The following MED1 variants were observed in gnomAD, a reference collection of about 807,000 sequenced individuals.
The protein encoded by MED1 is mediator complex subunit 1.
MED1 carries 17 observed loss-of-function variants against 121.3 expected under a neutral mutation model. The observed-to-expected ratio is 0.14, with a 90% CI of 0.10 to 0.21. The LOEUF is 0.21. MED1 is among the 10% of genes least tolerant of loss of function. The pLI, the probability that MED1 is intolerant of heterozygous loss-of-function variation, is 1.00. For missense variants in MED1, 1,558 were observed against 1,919.4 expected (o/e 0.81, Z 3.52); for synonymous variants, 661 against 694.4 (o/e 0.95, Z 0.76).
chr17:39,427,661 C>T, intron 10 of MED1, 40 bp downstream of exon 10: 2 of 1,455,454 alleles, frequency 1.4e-6, no homozygotes, highest in Non-Finnish European at 1.9e-6. Context: ...AAGCTGGGCA[C>T]CGAACAAAAC....
intron 2 of MED1, among the ~76,000 whole-genome samples, chr17:39,444,642 G>A (rs920372835): frequency 2.0e-5 from 3 of 152,050 alleles, no homozygotes; most frequent in Non-Finnish European, 4.4e-5. Flanking sequence ...AGGCCAAGGC[G>A]AGCAGATCAT....
chr17:39,449,514 CTTTTTT>C (rs111864908), intron 1 of MED1, among the ~76,000 whole-genome samples: 1 of 122,872 alleles, frequency 8.1e-6, no homozygotes, highest in African/African-American at 2.8e-5. Flanking sequence ...AATTTTTTTT[CTTTTTT>C]TTTTTTTTTG....
rs1286434821 is a variant in MED1, at chr17:39,407,763, G to C, written c.4458C>G (p.Ile1486Met). The C allele has an allele frequency of 2.5e-6, 4 of 1,614,094 alleles. No homozygotes were observed. The Admixed American group carries it at 5.0e-5, about 20-fold the overall frequency. Residue 1486 changes from isoleucine (I) to methionine (M), a missense_variant, in exon 17 of 17, where the codon ATC (isoleucine) becomes ATG (methionine). By Grantham distance (10) the Ile-to-Met change is conservative. Around this residue, in one of 5 missense-constraint regions of MED1, gnomAD observed 264 missense variants for 326.1 expected, o/e 0.81. Transcript: ENST00000300651. ...CTGTGCTGTATTCTGGAAGTGGTCGGATACCATCGTCTGAGCTGGGACTAT... is the reference window on the plus strand; with the variant it reads ...CTGTGCTGTATTCTGGAAGTGGTCGCATACCATCGTCTGAGCTGGGACTAT... ...YQNSPSSDDG[I>M]RPLPEYSTEK...
intron 6 of MED1, among the ~76,000 whole-genome samples, chr17:39,438,750 G>A (rs2048644030): frequency 6.6e-6 from 1 of 152,118 alleles, no homozygotes; most frequent in Non-Finnish European, 1.5e-5. Flanking sequence ...TGGGATTACA[G>A]GCGTGAGCCA....
chr17:39,440,237 A>G lies in MED1; in HGVS notation c.399+149T>C. ...CCATATTTTCTAAATCCCATTCTAT[A>G]GCTGTTGATTTTGTAGCCCATCACA... On this transcript the variant is annotated intron_variant, in intron 5 of 16. Transcript: ENST00000300651. The surrounding 1 kb of genome is among the most constrained non-coding windows in gnomAD (Gnocchi z 4.1). 1 of 736,300 alleles carries G rather than the reference A, an allele frequency of 1.4e-6. No homozygotes were observed. Among genetic ancestry groups the G allele is most frequent in the African/African-American group, 1.8e-5 (1 of 54,378 alleles). The allele number at this position is 736,300 out of a possible 1,614,324, so 45.6% of individuals were successfully genotyped here. A position where few individuals can be genotyped will look rare whatever the true frequency, so the allele number is the denominator to read the frequency against.
At chr17:39,438,173 A>ATT (rs71147331) in intron 6 of MED1, among the ~76,000 whole-genome samples, 22 of 140,468 alleles carry the variant, frequency 1.6e-4, no homozygotes, top group African/African-American at 4.9e-4. Context: ...CCTCGTCTCT[A>ATT]TTTTTTTTTT....
Position 39,440,755 on chromosome 17 carries a change from C to CGCTCCCTCTCCCTCTCCCT in MED1, c.212-79_212-78insAGGGAGAGGGAGAGGGAGC. ...GATATTCTTTTAAGACAGAAAGATT[C>CGCTCCCTCTCCCTCTCCCT]ATCCTTCCAAAACCGTAAACATATT... On this transcript the variant is annotated intron_variant, in intron 3 of 16. Transcript: ENST00000300651. This position sits in a 1 kb window ranked among gnomAD's most constrained non-coding sequence, Gnocchi z 4.1. 1 of 1,355,372 alleles carries CGCTCCCTCTCCCTCTCCCT rather than the reference C, an allele frequency of 7.4e-7. No homozygotes were observed. The highest frequency in any genetic ancestry group is 1.0e-6 in the Non-Finnish European group (1 of 965,032). The allele number at this position is 1,355,372 out of a possible 1,614,324, so 84.0% of individuals were successfully genotyped here.
chr17:39,426,082 G>T (rs931078003), intron 10 of MED1, among the ~76,000 whole-genome samples: 5 of 152,016 alleles, frequency 3.3e-5, no homozygotes, highest in Non-Finnish European at 5.9e-5. Context: ...GTAGTGAGCT[G>T]TGATCAAATC....
chr17:39,441,133 AAAAG>A (rs1476862477), intron 3 of MED1, among the ~76,000 whole-genome samples: 5 of 152,216 alleles, frequency 3.3e-5, no homozygotes, highest in African/African-American at 9.6e-5. Context: ...TCAACCTTAA[AAAAG>A]AAAGAAATTC....
chr17:39,420,791 ATTTTTTTTTTT>A (rs71147330), intron 13 of MED1, among the ~76,000 whole-genome samples: 5 of 109,940 alleles, frequency 4.5e-5, no homozygotes, highest in Non-Finnish European at 8.7e-5. Context: ...ACATGTGCCT[ATTTTTTTTTTT>A]TTTTTTTTTT....
In MED1 at chr17:39,409,619, C is replaced by G; in HGVS notation, c.2602G>C (p.Asp868His). 6.2e-7 allele frequency: 1 copy of G among 1,614,122 alleles called. No individual in the cohort carries two copies. The highest frequency in any genetic ancestry group is 8.5e-7 in the Non-Finnish European group (1 of 1,180,038). Residue 868 changes from aspartate to histidine, a missense_variant, in exon 17 of 17, where the codon GAT (aspartate) becomes CAT (histidine). Physicochemically the swap from Asp to His is moderately conservative, Grantham distance 81 (BLOSUM62 -1). Coordinates refer to ENST00000300651, the MANE Select transcript of MED1 (RefSeq NM_004774.4). ...FFHDGVDFNPDLLNSQSQSGF... is the reference protein window; with the variant it reads ...FFHDGVDFNPHLLNSQSQSGF... ...CTTTGGCTCTGGCTGTTCAATAAATCAGGATTGAAATCTACTCCATCATGA... is the reference window on the plus strand; with the variant it reads ...CTTTGGCTCTGGCTGTTCAATAAATGAGGATTGAAATCTACTCCATCATGA...
intron 9 of MED1, 69 bp downstream of exon 9, chr17:39,431,046 G>A (rs1324837736): frequency 9.6e-6 from 13 of 1,360,666 alleles, no homozygotes; most frequent in Non-Finnish European, 1.4e-5. Flanking sequence ...AACTAAAGGT[G>A]AAATGAAAAG....
At position 39,409,649 on chromosome 17, in the gene MED1, A is replaced by C; in HGVS notation, c.2572T>G (p.Phe858Val). ...TTGAAATCTACTCCATCATGAAAAA[A>C]ATGATTGGTAGGAGAGTCACTACTG... ...SPSSDSPTNH[F>V]FHDGVDFNPD... Residue 858 changes from phenylalanine to valine, a missense_variant, in exon 17 of 17, where the codon TTT becomes GTT. This residue lies in a region of MED1 where 793 missense variants were observed against 898.2 expected (regional missense o/e 0.88). Transcript: ENST00000300651. 1.2e-6 allele frequency: 2 copies of C among 1,614,170 alleles called. No homozygotes were observed. Among genetic ancestry groups the C allele is most frequent in the Non-Finnish European group, 1.7e-6 (2 of 1,180,034 alleles).
intron 6 of MED1, among the ~76,000 whole-genome samples, chr17:39,436,885 A>C (rs117986805): frequency 0.043 from 6,567 of 151,756 alleles, 164 homozygotes; most frequent in Non-Finnish European, 0.065. Flanking sequence ...CTTGTGCCTC[A>C]GCCTCCTGAG....
chr17:39,415,190 A>T, intron 15 of MED1, 54 bp downstream of exon 15: 1 of 1,605,456 alleles, frequency 6.2e-7, no homozygotes, highest in Non-Finnish European at 8.5e-7. Context: ...TTTCCAAAAA[A>T]GACATAGGGA....
At chr17:39,431,794 A>T in intron 8 of MED1, 148 bp downstream of exon 8, 1 of 575,462 alleles carries the variant, frequency 1.7e-6, no homozygotes, top group South Asian at 2.3e-5. Context: ...AGCGATACTG[A>T]TACTCAGAAG....
At chr17:39,434,114 G>T in intron 7 of MED1, 135 bp downstream of exon 7, 1 of 598,186 alleles carries the variant, frequency 1.7e-6, no homozygotes. Flanking sequence ...GTTGGAAGCT[G>T]AGCTACAGAT....
At chr17:39,434,926 G>A (rs1448893240) in intron 6 of MED1, among the ~76,000 whole-genome samples, 8 of 152,164 alleles carry the variant, frequency 5.3e-5, no homozygotes, top group Non-Finnish European at 1.2e-4. Flanking sequence ...AGCACTTTGG[G>A]AGGCCAAGGT....
chr17:39,434,438 T>C (rs369875046), intron 6 of MED1, 118 bp from the exon 7 acceptor site: 1 of 509,446 alleles, frequency 2.0e-6, no homozygotes, highest in Non-Finnish European at 3.5e-6. Context: ...AATAATCAGC[T>C]TTAACCATTT....
Sources: allele counts gnomAD v4.1 joint callset (sites outside exome capture counted in the v4.1 genomes callset), GRCh38; gene constraint gnomAD v4.1.1; regional missense constraint gnomAD v4.1.1; non-coding constraint Gnocchi (gnomAD v3.1); transcripts MANE v1.5; gene names NCBI Gene and HGNC (gene_info 2026-07-23, HGNC 2026-07-21).